Variants in MSH3 observed in about 807,000 individuals in gnomAD.
MSH3 encodes mutS homolog 3, also known as DNA mismatch repair protein Msh3.
In MSH3, 106 loss-of-function variants were observed where a neutral mutation model predicts 123.3. The ratio of observed to expected loss-of-function variants is 0.86; its 90% CI spans 0.73 to 1.01. The LOEUF (loss-of-function observed/expected upper bound fraction) is 1.01, where lower values mean the gene tolerates loss of function less well. Among genes scored for constraint, MSH3 ranks in the 50% least tolerant of loss-of-function variants. The pLI is 0.00. For synonymous variants in MSH3, 515 were observed against 481.4 expected, an observed-to-expected ratio of 1.07 and a Z score of -0.91; for missense variants, 1,459 against 1,347.6, an observed-to-expected ratio of 1.08 and a Z score of -1.29.
intron 8 of MSH3, among the ~76,000 whole-genome samples, chr5:80,697,908 G>A (rs962319366): frequency 2.0e-5 from 3 of 151,938 alleles, no homozygotes; most frequent in Non-Finnish European, 4.4e-5. Context: ...CAAACAAATC[G>A]ATGTTATTTA....
intron 8 of MSH3, among the ~76,000 whole-genome samples, chr5:80,695,084 G>T (rs1344246891): frequency 8.8e-4 from 92 of 104,482 alleles, no homozygotes; most frequent in East Asian, 2.0e-3. Flanking sequence ...TGTTTTTTTT[G>T]TTGTTTTTTT....
chr5:80,750,075 C>CAG (rs958984325), intron 12 of MSH3, among the ~76,000 whole-genome samples: 35 of 46,180 alleles, frequency 7.6e-4, no homozygotes, highest in Non-Finnish European at 1.1e-3. Context: ...AATAGTATTC[C>CAG]AGAGTGTGTG....
chr5:80,813,280 A>T (rs1273410185), intron 19 of MSH3, among the ~76,000 whole-genome samples: 1 of 152,248 alleles, frequency 6.6e-6, no homozygotes, highest in African/African-American at 2.4e-5. Flanking sequence ...GTCTTTAAAC[A>T]TAAGCAATAG....
chr5:80,695,676 T>A (rs1411368107), intron 8 of MSH3, among the ~76,000 whole-genome samples: 1 of 152,192 alleles, frequency 6.6e-6, no homozygotes, highest in East Asian at 1.9e-4. Context: ...AGAGAATTTT[T>A]CCTTGCCTTG....
In MSH3 at chr5:80,780,906, C is replaced by T. The variant is rs529864912; in HGVS notation, c.2435+2070C>T. ...ACCTTAAACAGTAAAAATTCAGTGA[C>T]GTCCTTCAGGGAGCTTTATTGTATT... On this transcript the variant is annotated intron_variant, in intron 17 of 23. Coordinates refer to ENST00000265081, the MANE Select transcript of MSH3 (RefSeq NM_002439.5). Among the ~76,000 whole-genome samples, 232 of 152,032 alleles carry T rather than the reference C, an allele frequency of 1.5e-3. 1 individual carries two copies. Among genetic ancestry groups the T allele is most frequent in the African/African-American group, 5.4e-3 (223 of 41,492 alleles).
At chr5:80,828,747 C>T (rs1253269722) in intron 20 of MSH3, among the ~76,000 whole-genome samples, 1 of 152,134 alleles carries the variant, frequency 6.6e-6, no homozygotes, top group Non-Finnish European at 1.5e-5. Flanking sequence ...CAAATAAGTC[C>T]AACACCCAAA....
At chr5:80,834,591 A>G (rs565405704) in intron 20 of MSH3, among the ~76,000 whole-genome samples, 35 of 148,310 alleles carry the variant, frequency 2.4e-4, no homozygotes, top group African/African-American at 8.3e-4. Context: ...TCTAGTTATT[A>G]CATTTTAAAT....
At chr5:80,765,865 A>G (rs1446726849) in intron 13 of MSH3, among the ~76,000 whole-genome samples, 1 of 152,106 alleles carries the variant, frequency 6.6e-6, no homozygotes, top group East Asian at 1.9e-4. Context: ...ATCTTTTGAA[A>G]CATTCATGTC....
intron 2 of MSH3, among the ~76,000 whole-genome samples, chr5:80,657,441 AAAACAAAAAAC>A (rs1749318236): frequency 6.6e-6 from 1 of 152,228 alleles, no homozygotes; most frequent in Non-Finnish European, 1.5e-5. Flanking sequence ...ACTCTGTCTC[AAAACAAAAAAC>A]AAACAAAAAA....
At chr5:80,782,498 T>C (rs1266792717) in intron 17 of MSH3, among the ~76,000 whole-genome samples, 1 of 152,188 alleles carries the variant, frequency 6.6e-6, no homozygotes, top group Non-Finnish European at 1.5e-5. Context: ...ATACAAGTAC[T>C]TTACCATTTT....
rs904520731 is a variant in MSH3 at position 80,700,196 on chromosome 5, A to T, written c.1340+21103A>T. Among the ~76,000 whole-genome samples the T allele has an allele frequency of 1.3e-5, 2 of 152,216 alleles. 1 individual carries two copies. The highest frequency in any genetic ancestry group is 1.3e-4 in the Admixed American group (2 of 15,290). On this transcript the variant is annotated intron_variant, in intron 8 of 23. Transcript: ENST00000265081. Reference sequence around the variant, plus strand: ...GGAGTTCAAGGTCAGCCTGGCCAACATGGTGAAACCTCATCTCTACTAAAA... The same window carrying T: ...GGAGTTCAAGGTCAGCCTGGCCAACTTGGTGAAACCTCATCTCTACTAAAA...
intron 20 of MSH3, among the ~76,000 whole-genome samples, chr5:80,839,434 C>G (rs1297447297): frequency 1.3e-5 from 2 of 152,050 alleles, no homozygotes; most frequent in African/African-American, 4.8e-5. Context: ...TGGGCACGCT[C>G]TATATTTTTT....
intron 18 of MSH3, among the ~76,000 whole-genome samples, chr5:80,791,430 A>G (rs1744604182): frequency 6.6e-6 from 1 of 152,182 alleles, no homozygotes; most frequent in Non-Finnish European, 1.5e-5. Context: ...GAAATTTGGA[A>G]TTTAGTATTT....
intron 19 of MSH3, among the ~76,000 whole-genome samples, chr5:80,809,706 C>T (rs1293122364): frequency 6.6e-6 from 1 of 152,182 alleles, no homozygotes; most frequent in African/African-American, 2.4e-5. Context: ...ACATTACATT[C>T]TCTCTGGCAT....
At chr5:80,773,812 G>A (rs1744252761) in intron 15 of MSH3, among the ~76,000 whole-genome samples, 1 of 152,100 alleles carries the variant, frequency 6.6e-6, no homozygotes, top group African/African-American at 2.4e-5. Context: ...CTGTCGTCCA[G>A]GCTGGAGTGC....
At chr5:80,814,259 A>G (rs1403009268) in intron 20 of MSH3, among the ~76,000 whole-genome samples, 2 of 151,832 alleles carry the variant, frequency 1.3e-5, no homozygotes, top group African/African-American at 4.8e-5. Flanking sequence ...TTATTGAGTT[A>G]TTTTATTTTA....
At chr5:80,842,983 G>T (rs1019361945) in intron 20 of MSH3, among the ~76,000 whole-genome samples, 1 of 151,988 alleles carries the variant, frequency 6.6e-6, no homozygotes, top group Non-Finnish European at 1.5e-5. Context: ...GTCATGTGCC[G>T]GTTTTCAAAA....
chr5:80,828,222 A>G (rs1408504500), intron 20 of MSH3, among the ~76,000 whole-genome samples: 1 of 152,174 alleles, frequency 6.6e-6, no homozygotes, highest in Admixed American at 6.5e-5. Context: ...AAGGCATCAC[A>G]TGGCAAGGGG....
chr5:80,701,967 T>A (rs1013518072), intron 8 of MSH3, among the ~76,000 whole-genome samples: 3 of 152,002 alleles, frequency 2.0e-5, no homozygotes, highest in Non-Finnish European at 4.4e-5. Context: ...CTGTACAGTT[T>A]TTCCTCCCTC....
Sources: gnomAD v4.1 joint callset for allele counts (sites outside exome capture counted in the v4.1 genomes callset) on GRCh38, gnomAD v4.1.1 for gene constraint, MANE v1.5 for transcripts, NCBI Gene and HGNC (gene_info 2026-07-23, HGNC 2026-07-21) for gene names.